The following TPD52 variants were observed in gnomAD, a reference collection of about 807,000 sequenced individuals.
TPD52 encodes tumor protein D52.
Under a neutral mutation model 31.3 loss-of-function variants are expected in TPD52, and 17 were observed. The ratio of observed to expected loss-of-function variants is 0.54; its 90% CI spans 0.37 to 0.82. The LOEUF (loss-of-function observed/expected upper bound fraction) is 0.82. Among genes scored for constraint, TPD52 ranks in the 40% least tolerant of loss-of-function variants. The probability of loss-of-function intolerance (pLI) is 0.00; values close to 1 mark genes in which losing one functional copy is unlikely to be tolerated. For missense variants in TPD52, 212 were observed against 240.1 expected (o/e 0.88, Z 0.77); for synonymous variants, 83 against 89.6 (o/e 0.93, Z 0.42).
downstream of TPD52, chr8:80,033,053 G>C (rs1348201290): frequency 6.6e-6 from 1 of 152,530 alleles, no homozygotes; most frequent in Non-Finnish European, 1.5e-5. Context: ...GCTGCAGCAG[G>C]GTGAGCAGCT....
At chr8:80,094,136 A>C (rs1201589775) in intron 1 of TPD52, among the ~76,000 whole-genome samples, 2 of 152,080 alleles carry the variant, frequency 1.3e-5, no homozygotes, top group East Asian at 3.9e-4. Flanking sequence ...AAGCTCTCTC[A>C]GTGTTAAAAG....
chr8:80,122,070 T>C (rs1263455248), intron 1 of TPD52, among the ~76,000 whole-genome samples: 1 of 151,862 alleles, frequency 6.6e-6, no homozygotes, highest in East Asian at 1.9e-4. Context: ...TATTGTCATT[T>C]TATAGATGAG....
intron 1 of TPD52, among the ~76,000 whole-genome samples, chr8:80,075,802 T>C (rs561380651): frequency 7.2e-5 from 11 of 152,204 alleles, no homozygotes; most frequent in Non-Finnish European, 1.5e-4. Flanking sequence ...CTACATCTCT[T>C]CAATTTGACT....
chr8:80,045,431 T>A (rs1185739131), intron 5 of TPD52, among the ~76,000 whole-genome samples: 2 of 152,112 alleles, frequency 1.3e-5, no homozygotes, highest in African/African-American at 4.8e-5. Flanking sequence ...GGCCTACAAA[T>A]TGTTTGGAAT....
At chr8:80,087,276 GCTATTCTTCCTTATGCTCTCC>G (rs1469579941) in intron 1 of TPD52, among the ~76,000 whole-genome samples, 1 of 152,104 alleles carries the variant, frequency 6.6e-6, no homozygotes, top group Non-Finnish European at 1.5e-5. Flanking sequence ...GCATTCATTA[GCTATTCTTCCTTATGCTCTCC>G]CTCCCCCACA....
At chr8:80,095,406 T>C (rs1816654182) in intron 1 of TPD52, among the ~76,000 whole-genome samples, 1 of 152,134 alleles carries the variant, frequency 6.6e-6, no homozygotes, top group South Asian at 2.1e-4. Context: ...CTGGTGATTT[T>C]TAGGGCAGTG....
chr8:80,070,851 C>G (rs1034975047), intron 1 of TPD52, among the ~76,000 whole-genome samples: 4 of 152,150 alleles, frequency 2.6e-5, no homozygotes, highest in Admixed American at 6.5e-5. Flanking sequence ...CCCCTGACAA[C>G]AATGAATGTG....
At chr8:80,053,504 C>T (rs2303446) in intron 2 of TPD52, 74 bp from the exon 3 acceptor site, 876,186 of 1,454,068 alleles carry the variant, frequency 0.6, 266,682 homozygotes, top group East Asian at 0.69. Flanking sequence ...CACAGAACTA[C>T]ATCCAAAATT....
intron 1 of TPD52, among the ~76,000 whole-genome samples, chr8:80,073,920 T>C (rs536635123): frequency 1.3e-5 from 2 of 152,276 alleles, no homozygotes; most frequent in South Asian, 4.1e-4. Flanking sequence ...AAAAGTACCA[T>C]GGTTACATAG....
At chr8:80,153,138 A>T (rs1810699453) in intron 1 of TPD52, among the ~76,000 whole-genome samples, 1 of 152,234 alleles carries the variant, frequency 6.6e-6, no homozygotes, top group Non-Finnish European at 1.5e-5. Context: ...ATGCTTTCAC[A>T]GGTTTCTCCA....
chr8:80,138,778 C>T (rs2162229), intron 1 of TPD52, among the ~76,000 whole-genome samples: 73,829 of 151,912 alleles, frequency 0.49, 18,215 homozygotes, highest in East Asian at 0.76. Flanking sequence ...CATTGAGAAC[C>T]TGTGGCTCAC....
At chr8:80,086,244 G>C (rs1197188536) in intron 1 of TPD52, among the ~76,000 whole-genome samples, 2 of 149,418 alleles carry the variant, frequency 1.3e-5, no homozygotes, top group Non-Finnish European at 3.0e-5. Flanking sequence ...TCAGTCTCCT[G>C]AGTAGCTGGG....
At chr8:80,041,147 T>C (rs1810347128) in intron 7 of TPD52, among the ~76,000 whole-genome samples, 1 of 151,162 alleles carries the variant, frequency 6.6e-6, no homozygotes, top group Non-Finnish European at 1.5e-5. Flanking sequence ...TGTCAGGGGG[T>C]GGGATGGTAG....
At chr8:80,070,070 A>G (rs953885983) in intron 1 of TPD52, among the ~76,000 whole-genome samples, 4 of 152,142 alleles carry the variant, frequency 2.6e-5, no homozygotes, top group Non-Finnish European at 5.9e-5. Context: ...ATGCATAACC[A>G]CCCATTTGCC....
intron 7 of TPD52, among the ~76,000 whole-genome samples, chr8:80,039,804 C>A (rs930269351): frequency 5.9e-5 from 9 of 152,156 alleles, no homozygotes; most frequent in African/African-American, 2.2e-4. Context: ...CCTCAATGGA[C>A]ATTACTGAGT....
chr8:80,034,000 G>A (rs1809761538), downstream of TPD52, among the ~76,000 whole-genome samples: 1 of 152,088 alleles, frequency 6.6e-6, no homozygotes, highest in Non-Finnish European at 1.5e-5. Flanking sequence ...TCCCTCCTAG[G>A]AACCTGCCTC....
chr8:80,156,108 G>A lies in TPD52; in HGVS notation c.19+15317C>T, dbSNP rs771672128. 5.3e-4 allele frequency among the ~76,000 whole-genome samples: 81 copies of A among 152,094 alleles called. 1 individual carries two copies. Among genetic ancestry groups the A allele is most frequent in the Non-Finnish European group, 5.7e-4 (39 of 68,034 alleles). ...GGCTTGGTCAGGACAGCTATTCTCT[G>A]CTCCACTCAGCCTCAGTTGGGGGGA... is the stretch of plus-strand genomic sequence containing the variant. On this transcript the variant is annotated intron_variant, in intron 1 of 7. Transcript: ENST00000518937.
At chr8:80,057,385 A>T (rs1812008018) in intron 2 of TPD52, among the ~76,000 whole-genome samples, 1 of 152,226 alleles carries the variant, frequency 6.6e-6, no homozygotes, top group African/African-American at 2.4e-5. Flanking sequence ...ACCTGCACTC[A>T]TATGTTTATT....
At chr8:80,052,710 G>A in intron 3 of TPD52, 1 of 1,280,922 alleles carries the variant, frequency 7.8e-7, no homozygotes, top group African/African-American at 1.5e-5. Context: ...TTATGATAAT[G>A]CTATATCATA....
Sources: allele counts gnomAD v4.1 joint callset (sites outside exome capture counted in the v4.1 genomes callset), GRCh38; gene constraint gnomAD v4.1.1; transcripts MANE v1.5; gene names NCBI Gene and HGNC (gene_info 2026-07-23, HGNC 2026-07-21).